Variants in PRTG observed in about 807,000 individuals in gnomAD.
PRTG encodes the protein protogenin, also known as immunoglobulin superfamily, DCC subclass, member 5.
A neutral mutation model predicts 122.5 loss-of-function variants in PRTG; 67 were observed. The ratio of observed to expected loss-of-function variants is 0.55; its 90% confidence interval spans 0.45 to 0.67. The LOEUF is 0.67. Ranked by LOEUF, PRTG falls within the 30% of genes least tolerant of loss-of-function variation. The pLI is 0.00. For synonymous variants in PRTG, 554 were observed against 501.1 expected, an observed-to-expected ratio of 1.11 and a Z score of -1.41; for missense variants, 1,435 against 1,415.4, an observed-to-expected ratio of 1.01 and a Z score of -0.22.
intron 2 of PRTG, among the ~76,000 whole-genome samples, chr15:55,723,555 A>G (rs1255723332): frequency 1.3e-5 from 2 of 152,106 alleles, no homozygotes; most frequent in East Asian, 3.9e-4. Flanking sequence ...AATTTGATGA[A>G]AGAAATAAAT....
intron 2 of PRTG, among the ~76,000 whole-genome samples, chr15:55,719,257 A>G (rs1401103783): frequency 5.3e-5 from 8 of 152,252 alleles, no homozygotes; most frequent in Non-Finnish European, 1.0e-4. Context: ...CAAGTTAATG[A>G]GAAATTGTTG....
At chr15:55,649,909 G>C (rs2059344627) in intron 11 of PRTG, among the ~76,000 whole-genome samples, 1 of 152,164 alleles carries the variant, frequency 6.6e-6, no homozygotes, top group African/African-American at 2.4e-5. Context: ...GGGTGGTGTA[G>C]TAATTGAACA....
chr15:55,659,170 A>T (rs1047420965), intron 11 of PRTG, among the ~76,000 whole-genome samples: 2 of 152,208 alleles, frequency 1.3e-5, no homozygotes, highest in East Asian at 1.9e-4. Context: ...CTGGGATTTC[A>T]AGTCTTTCAA....
chr15:55,722,085 T>C (rs1011763387), intron 2 of PRTG, among the ~76,000 whole-genome samples: 6 of 152,136 alleles, frequency 3.9e-5, no homozygotes, highest in African/African-American at 1.4e-4. Context: ...CTTACTTTTT[T>C]CAAGAAAAAG....
intron 2 of PRTG, among the ~76,000 whole-genome samples, chr15:55,685,622 C>T (rs539171750): frequency 1.0e-3 from 152 of 152,232 alleles, no homozygotes; most frequent in Non-Finnish European, 2.0e-3. Context: ...TAAAGCAATT[C>T]TGCTCCTCTG....
At chr15:55,638,358 T>C (rs2059269719) in intron 14 of PRTG, among the ~76,000 whole-genome samples, 191 bp downstream of exon 14, 1 of 151,454 alleles carries the variant, frequency 6.6e-6, no homozygotes, top group Non-Finnish European at 1.5e-5. Flanking sequence ...ATACACACAC[T>C]GAGAAGAAAA....
intron 16 of PRTG, among the ~76,000 whole-genome samples, chr15:55,627,495 T>G (rs927822682): frequency 6.3e-5 from 9 of 143,330 alleles, no homozygotes; most frequent in South Asian, 2.2e-4. Flanking sequence ...CAGCTAAGTT[T>G]TTTTTTTTTT....
chr15:55,666,181 G>C (rs935514932), intron 11 of PRTG, among the ~76,000 whole-genome samples: 12 of 152,182 alleles, frequency 7.9e-5, no homozygotes, highest in Non-Finnish European at 1.3e-4. Context: ...TTTCTGGTGA[G>C]GGCTTTCTTC....
Position 55,629,371 on chromosome 15 carries a change from A to ATGTGTGTGTGTGTGTG in PRTG, c.2624-368_2624-367insCACACACACACACACA, listed in dbSNP as rs1457708289. ...TTTGTTTGGCTTTGTATATATATATATATATGTGTGTGTGTGTGTGTGTGT... is the reference window on the plus strand; with the variant it reads ...TTTGTTTGGCTTTGTATATATATATATGTGTGTGTGTGTGTGTATATGTGTGTGTGTGTGTGTGTGT... On this transcript the variant is annotated intron_variant, in intron 15 of 19. Coordinates refer to ENST00000389286, the MANE Select transcript of PRTG (RefSeq NM_173814.6). Among the ~76,000 whole-genome samples the ATGTGTGTGTGTGTGTG allele has an allele frequency of 2.5e-4, 9 of 35,532 alleles. 1 individual carries two copies. The highest frequency in any genetic ancestry group is 5.1e-4 in the African/African-American group (6 of 11,762). The allele number at this position is 35,532 out of a possible 152,430, so 23.3% of individuals were successfully genotyped here.
intron 2 of PRTG, among the ~76,000 whole-genome samples, chr15:55,730,964 G>T (rs1046246930): frequency 1.3e-5 from 2 of 152,166 alleles, no homozygotes; most frequent in African/African-American, 4.8e-5. Flanking sequence ...GGAAGAGGAA[G>T]GCATAATGAT....
chr15:55,661,549 G>A (rs62043868), intron 11 of PRTG, among the ~76,000 whole-genome samples: 1 of 152,142 alleles, frequency 6.6e-6, no homozygotes, highest in Non-Finnish European at 1.5e-5. Context: ...TCTGTGCTAT[G>A]CAGTTTCAGG....
At chr15:55,620,530 C>A in intron 19 of PRTG, 133 bp downstream of exon 19, 1 of 1,357,192 alleles carries the variant, frequency 7.4e-7, no homozygotes, top group East Asian at 2.5e-5. Context: ...GAGCCATGCC[C>A]CAAATTAATA....
intron 2 of PRTG, among the ~76,000 whole-genome samples, chr15:55,736,977 G>C (rs945315852): frequency 2.6e-5 from 4 of 152,122 alleles, no homozygotes; most frequent in Non-Finnish European, 2.9e-5. Context: ...TGAAACGTGA[G>C]ACCATTTTAC....
intron 2 of PRTG, among the ~76,000 whole-genome samples, chr15:55,739,026 GGAGTGTGGCTAGAACCGCAAACCTCT>G (rs1366466596): frequency 1.3e-5 from 2 of 152,088 alleles, no homozygotes; most frequent in African/African-American, 4.8e-5. Flanking sequence ...GGCAGGGGTA[GGAGTGTGGCTAGAACCGCAAACCTCT>G]GATTTTCTGA....
chr15:55,742,403 G>A (rs552763963), intron 1 of PRTG: 57 of 158,346 alleles, frequency 3.6e-4, no homozygotes, highest in South Asian at 1.2e-3. Context: ...CCTGCACGGC[G>A]AGGCTGCCAC....
chr15:55,727,523 T>C (rs1472936906), intron 2 of PRTG, among the ~76,000 whole-genome samples: 7 of 152,074 alleles, frequency 4.6e-5, no homozygotes, highest in Non-Finnish European at 1.0e-4. Flanking sequence ...AGGCCGGACA[T>C]GGTGGCTCAC....
chr15:55,724,155 T>G (rs560623095), intron 2 of PRTG, among the ~76,000 whole-genome samples: 55 of 152,292 alleles, frequency 3.6e-4, no homozygotes, highest in Non-Finnish European at 5.6e-4. Context: ...TATTCTTTTG[T>G]TAGGTGGAAT....
intron 15 of PRTG, among the ~76,000 whole-genome samples, chr15:55,634,063 C>CTTTTTTT (rs10711487): frequency 2.0e-4 from 15 of 73,840 alleles, no homozygotes; most frequent in African/African-American, 2.7e-4. Context: ...ATATACATTG[C>CTTTTTTT]TTTTTTTTTT....
At chr15:55,690,238 TA>T (rs1196640893) in intron 2 of PRTG, among the ~76,000 whole-genome samples, 1 of 152,204 alleles carries the variant, frequency 6.6e-6, no homozygotes, top group East Asian at 1.9e-4. Flanking sequence ...AAAACAATTT[TA>T]ATCACTTTTA....
Sources: gnomAD v4.1 joint callset for allele counts (sites outside exome capture counted in the v4.1 genomes callset) on GRCh38, gnomAD v4.1.1 for gene constraint, MANE v1.5 for transcripts, NCBI Gene and HGNC (gene_info 2026-07-23, HGNC 2026-07-21) for gene names.